PRKDC: variants seen among roughly 807,000 people sequenced by gnomAD.
The protein encoded by PRKDC is protein kinase, DNA-activated, catalytic subunit.
In PRKDC, 82 loss-of-function variants were observed where a neutral mutation model predicts 486.9. The ratio of observed to expected loss-of-function variants is 0.17; its 90% CI spans 0.14 to 0.20. PRKDC has a LOEUF of 0.20. PRKDC is among the 10% of genes least tolerant of loss of function. The pLI is 1.00. For synonymous variants in PRKDC, 1,895 were observed against 1,837.0 expected (o/e 1.03, Z -0.81); for missense variants, 4,504 against 5,038.2 (o/e 0.89, Z 3.21).
intron 58 of PRKDC, among the ~76,000 whole-genome samples, chr8:47,836,032 A>G (rs1196492260): frequency 6.6e-6 from 1 of 152,172 alleles, no homozygotes; most frequent in African/African-American, 2.4e-5. Flanking sequence ...CTGGAATAAC[A>G]GGAATGAGTC....
chr8:47,861,534 C>A (rs1017955811), intron 44 of PRKDC, among the ~76,000 whole-genome samples: 2 of 152,164 alleles, frequency 1.3e-5, no homozygotes, highest in African/African-American at 4.8e-5. Context: ...GGAAAGTGCA[C>A]GCCATGGTGG....
chr8:47,900,772 C>T (rs1419857423), intron 27 of PRKDC, among the ~76,000 whole-genome samples: 1 of 151,602 alleles, frequency 6.6e-6, no homozygotes, highest in Non-Finnish European at 1.5e-5. Flanking sequence ...TGGCATGAAC[C>T]CGGGAGGTGG....
chr8:47,785,697 C>T (rs754265883), intron 76 of PRKDC, among the ~76,000 whole-genome samples: 3 of 151,912 alleles, frequency 2.0e-5, no homozygotes, highest in Non-Finnish European at 4.4e-5. Flanking sequence ...GATGATGCCA[C>T]TGCACTCCAG....
intron 10 of PRKDC, among the ~76,000 whole-genome samples, chr8:47,942,625 CAG>C (rs1311316538): frequency 2.0e-5 from 3 of 152,184 alleles, no homozygotes; most frequent in African/African-American, 7.2e-5. Flanking sequence ...TCCTTTCCCT[CAG>C]AGCAACCCCA....
intron 1 of PRKDC, among the ~76,000 whole-genome samples, chr8:47,958,847 T>C (rs907032883): frequency 2.0e-5 from 3 of 151,684 alleles, no homozygotes; most frequent in Non-Finnish European, 4.4e-5. Context: ...GACATTCTCC[T>C]GTCTCAGCCT....
chr8:47,947,535 A>C (rs985630459), intron 7 of PRKDC, among the ~76,000 whole-genome samples: 3 of 152,230 alleles, frequency 2.0e-5, no homozygotes, highest in African/African-American at 7.2e-5. Flanking sequence ...TGGGAGGGTA[A>C]GGCGGGTGGA....
intron 76 of PRKDC, among the ~76,000 whole-genome samples, chr8:47,787,765 A>G (rs1407690213): frequency 6.6e-6 from 1 of 152,196 alleles, no homozygotes; most frequent in Non-Finnish European, 1.5e-5. Context: ...TGGCTGAGGT[A>G]GCAGTGTGCT....
At chr8:47,847,242 C>T (rs2088288372) in intron 54 of PRKDC, among the ~76,000 whole-genome samples, 1 of 152,130 alleles carries the variant, frequency 6.6e-6, no homozygotes, top group African/African-American at 2.4e-5. Flanking sequence ...CTTCACTATA[C>T]TACAGGGATA....
chr8:47,785,964 G>C (rs1462249928), intron 76 of PRKDC, among the ~76,000 whole-genome samples: 1 of 151,890 alleles, frequency 6.6e-6, no homozygotes, highest in Non-Finnish European at 1.5e-5. Flanking sequence ...AAATTAGTCG[G>C]GTGTGGTGGC....
In PRKDC at chr8:47,850,781, G is replaced by A. The variant is rs11987093; in HGVS notation, c.7006-1278C>T. Among the ~76,000 whole-genome samples, 750 of 152,314 alleles carry A rather than the reference G, an allele frequency of 4.9e-3. 9 individuals are homozygous for A. Among genetic ancestry groups the A allele is most frequent in the African/African-American group, 0.017 (705 of 41,568 alleles). On this transcript the variant is annotated intron_variant, in intron 52 of 85. Coordinates refer to ENST00000314191, the MANE Select transcript of PRKDC (RefSeq NM_006904.7). Reference sequence around the variant, plus strand: ...TGCCACAGGTGCTGAGGGACATTGCGTGGGAAGAGTGCGAGCCTCTCTTAC... The same window carrying A: ...TGCCACAGGTGCTGAGGGACATTGCATGGGAAGAGTGCGAGCCTCTCTTAC...
At position 47,957,448 on chromosome 8, in the gene PRKDC, G is replaced by C; in HGVS notation, c.155-17C>G. The C allele has an allele frequency of 3.2e-6, 5 of 1,557,142 alleles. No homozygotes were observed. Among genetic ancestry groups the C allele is most frequent in the Non-Finnish European group, 4.4e-6 (5 of 1,147,772 alleles). On this transcript the variant is annotated splice_polypyrimidine_tract_variant and intron_variant, in intron 1 of 85. Transcript: ENST00000314191. ...TCTGTAATGCTGTTCAAAAAAATAAGTAAACAAGTTAAGAGAGTGCCAAGA... is the reference window on the plus strand; with the variant it reads ...TCTGTAATGCTGTTCAAAAAAATAACTAAACAAGTTAAGAGAGTGCCAAGA...
At chr8:47,820,019 C>T (rs1461269625) in intron 66 of PRKDC, among the ~76,000 whole-genome samples, 1 of 152,130 alleles carries the variant, frequency 6.6e-6, no homozygotes, top group East Asian at 1.9e-4. Context: ...CGCAGAAAAG[C>T]AAAAAGGAAA....
intron 58 of PRKDC, among the ~76,000 whole-genome samples, chr8:47,834,926 G>A (rs2087979778): frequency 6.6e-6 from 1 of 151,946 alleles, no homozygotes; most frequent in East Asian, 1.9e-4. Flanking sequence ...TCCTGACCTC[G>A]TGATCCGCCC....
At chr8:47,780,457 T>G (rs891717921) in intron 80 of PRKDC, among the ~76,000 whole-genome samples, 4 of 152,186 alleles carry the variant, frequency 2.6e-5, no homozygotes, top group Non-Finnish European at 5.9e-5. Context: ...TTAAGTACTT[T>G]TGTGTGGAAA....
At chr8:47,834,639 C>T (rs1490995119) in intron 58 of PRKDC, among the ~76,000 whole-genome samples, 1 of 151,528 alleles carries the variant, frequency 6.6e-6, no homozygotes, top group Non-Finnish European at 1.5e-5. Flanking sequence ...GCTCCCACCA[C>T]AGGAATAACA....
intron 76 of PRKDC, among the ~76,000 whole-genome samples, chr8:47,788,470 C>T (rs918128224): frequency 6.6e-6 from 1 of 152,184 alleles, no homozygotes; most frequent in Non-Finnish European, 1.5e-5. Flanking sequence ...GTCACATAAC[C>T]CCTTTGTATT....
intron 30 of PRKDC, among the ~76,000 whole-genome samples, chr8:47,896,464 G>A (rs1032158607): frequency 3.9e-5 from 6 of 151,968 alleles, no homozygotes; most frequent in African/African-American, 7.2e-5. Context: ...TGGCTAACAC[G>A]GTGAAACCCC....
chr8:47,841,176 T>C (rs1403586114), intron 54 of PRKDC, among the ~76,000 whole-genome samples: 2 of 151,896 alleles, frequency 1.3e-5, no homozygotes, highest in Admixed American at 1.3e-4. Flanking sequence ...CCAAAGACAT[T>C]TGAATTGGTA....
At chr8:47,875,637 C>G (rs1021953740) in intron 40 of PRKDC, among the ~76,000 whole-genome samples, 9 of 152,178 alleles carry the variant, frequency 5.9e-5, no homozygotes, top group African/African-American at 1.9e-4. Context: ...AAAATGCTAT[C>G]TGACTTCCTT....
Sources: allele counts gnomAD v4.1 joint callset (sites outside exome capture counted in the v4.1 genomes callset), GRCh38; gene constraint gnomAD v4.1.1; transcripts MANE v1.5; gene names NCBI Gene and HGNC (gene_info 2026-07-23, HGNC 2026-07-21).